The following FHIT variants were observed in gnomAD, a reference collection of about 807,000 sequenced individuals.
FHIT encodes the protein fragile histidine triad diadenosine triphosphatase, also known as bis(5'-adenosyl)-triphosphatase.
FHIT carries 19 observed loss-of-function variants against 17.9 expected under a neutral mutation model. The observed-to-expected ratio is 1.06, with a 90% CI of 0.74 to 1.56. The LOEUF (loss-of-function observed/expected upper bound fraction) is 1.56, where lower values mean the gene tolerates loss of function less well. FHIT is among the 40% of genes most tolerant of loss of function. The pLI is 0.00. For synonymous variants in FHIT, 81 were observed against 69.7 expected (o/e 1.16, Z -0.81); for missense variants, 248 against 189.2 (o/e 1.31, Z -1.82).
chr3:61,186,371 G>C (rs2038509327), intron 2 of FHIT, among the ~76,000 whole-genome samples: 1 of 152,210 alleles, frequency 6.6e-6, no homozygotes, highest in African/African-American at 2.4e-5. Context: ...TGGGCCACAG[G>C]TGACTCTGGC....
intron 5 of FHIT, among the ~76,000 whole-genome samples, chr3:60,514,717 T>G (rs2035084817): frequency 6.6e-6 from 1 of 152,134 alleles, no homozygotes; most frequent in African/African-American, 2.4e-5. Flanking sequence ...CTCCAGTGTT[T>G]ATCATAAGCC....
intron 5 of FHIT, among the ~76,000 whole-genome samples, chr3:60,300,516 T>C (rs1323687733): frequency 6.6e-6 from 1 of 152,110 alleles, no homozygotes; most frequent in Non-Finnish European, 1.5e-5. Context: ...TTTTGTTTTG[T>C]TTTGTTTTTT....
Position 61,036,901 on chromosome 3 carries a change from GT to G in FHIT, c.-111+5145del, listed in dbSNP as rs746649804. Among the ~76,000 whole-genome samples the G allele has an allele frequency of 4.8e-4, 34 of 70,290 alleles. 1 individual carries two copies. Among genetic ancestry groups the G allele is most frequent in the African/African-American group, 9.0e-4 (28 of 31,278 alleles). The allele number at this position is 70,290 out of a possible 152,430, so 46.1% of individuals were successfully genotyped here. A position where few individuals can be genotyped will look rare whatever the true frequency, so the allele number is the denominator to read the frequency against. On this transcript the variant is annotated intron_variant, in intron 3 of 9. Coordinates refer to ENST00000492590, the MANE Select transcript of FHIT (RefSeq NM_002012.4). ...TTCACCTCAAAGATCAGTCTGCTTT[GT>G]TTTTTTTTTTTGTTTGTTTGTTTTT...
rs547849680 is a variant in FHIT, at chr3:60,296,236, G to A, written c.103+240624C>T. On this transcript the variant is annotated intron_variant, in intron 5 of 9. Transcript: ENST00000492590. ...GAGGGGAAGGGGGGAAGGAGGAGGGGAAAGAAGAGGAGGAACAGGGAAGCA... is the reference window on the plus strand; with the variant it reads ...GAGGGGAAGGGGGGAAGGAGGAGGGAAAAGAAGAGGAGGAACAGGGAAGCA... Among the ~76,000 whole-genome samples the A allele has an allele frequency of 2.6e-5, 4 of 152,116 alleles. No individual in the cohort carries two copies. In the East Asian group the frequency reaches 5.8e-4, roughly 22 times the overall value.
At chr3:61,249,131 G>T (rs2040552875) in intron 1 of FHIT, among the ~76,000 whole-genome samples, 1 of 152,108 alleles carries the variant, frequency 6.6e-6, no homozygotes, top group African/African-American at 2.4e-5. Flanking sequence ...CAAATTAGAG[G>T]AGAAACCATT....
rs74949573 is a variant in FHIT at position 60,186,780 on chromosome 3, C to T, written c.104-172628G>A. On this transcript the variant is annotated intron_variant, in intron 5 of 9. Coordinates refer to ENST00000492590, the MANE Select transcript of FHIT (RefSeq NM_002012.4). ...TAAAAAGGATGGAAAGTGCCATGCC[C>T]GCAAACTTTGTAGATGGATGTTTTT... Among the ~76,000 whole-genome samples, 724 of 151,200 alleles carry T rather than the reference C, an allele frequency of 4.8e-3. 10 individuals are homozygous for T. The highest frequency in any genetic ancestry group is 0.016 in the African/African-American group (679 of 41,252).
At chr3:60,288,031 T>C (rs543070372) in intron 5 of FHIT, among the ~76,000 whole-genome samples, 3 of 152,278 alleles carry the variant, frequency 2.0e-5, no homozygotes, top group African/African-American at 7.2e-5. Flanking sequence ...TCAAGGTCTC[T>C]GGGAAACTGG....
At chr3:59,942,280 T>C (rs1706560653) in intron 7 of FHIT, among the ~76,000 whole-genome samples, 1 of 152,226 alleles carries the variant, frequency 6.6e-6, no homozygotes, top group Non-Finnish European at 1.5e-5. Flanking sequence ...TTGATGCTTA[T>C]GCAAAGATCA....
intron 3 of FHIT, among the ~76,000 whole-genome samples, chr3:61,024,574 C>G (rs554221159): frequency 8.6e-5 from 13 of 151,888 alleles, no homozygotes; most frequent in Admixed American, 8.5e-4. Context: ...TATGTATGAG[C>G]AAAGTACAGG....
rs543965713 is a variant in FHIT at position 60,353,608 on chromosome 3, T to C, written c.103+183252A>G. Among the ~76,000 whole-genome samples the C allele has an allele frequency of 3.3e-5, 5 of 152,252 alleles. No homozygotes were observed. In the South Asian group the frequency reaches 1.0e-3, roughly 32 times the overall value. ...TAGTAGCCTTAATCAAACAAAAAAG[T>C]GAGATTTTTTATTTTTTTAAACATC... On this transcript the variant is annotated intron_variant, in intron 5 of 9. Coordinates refer to ENST00000492590, the MANE Select transcript of FHIT (RefSeq NM_002012.4).
intron 5 of FHIT, among the ~76,000 whole-genome samples, chr3:60,431,124 T>C (rs118093216): frequency 0.011 from 1,606 of 151,494 alleles, 16 homozygotes; most frequent in East Asian, 0.037. Context: ...GACAGAAGAA[T>C]AGCTTGAACT....
At chr3:60,094,462 A>C (rs1278215761) in intron 5 of FHIT, among the ~76,000 whole-genome samples, 1 of 152,192 alleles carries the variant, frequency 6.6e-6, no homozygotes, top group Non-Finnish European at 1.5e-5. Flanking sequence ...CCACATAGGC[A>C]ATACATCTGA....
At chr3:59,841,901 A>T (rs185847750) in intron 8 of FHIT, among the ~76,000 whole-genome samples, 30 of 152,298 alleles carry the variant, frequency 2.0e-4, no homozygotes, top group Admixed American at 7.8e-4. Context: ...TTGTGGTAGA[A>T]TACACATAAT....
chr3:60,303,103 A>C (rs951290130), intron 5 of FHIT, among the ~76,000 whole-genome samples: 1 of 152,184 alleles, frequency 6.6e-6, no homozygotes, highest in Admixed American at 6.5e-5. Flanking sequence ...CGAGACTGAC[A>C]ACTGCCAAAC....
intron 4 of FHIT, among the ~76,000 whole-genome samples, chr3:60,774,953 C>A (rs1700171271): frequency 6.6e-6 from 1 of 152,064 alleles, no homozygotes; most frequent in African/African-American, 2.4e-5. Context: ...TCGAGTTGAC[C>A]ACAGGTAACT....
chr3:60,705,350 G>C (rs1363925146), intron 4 of FHIT, among the ~76,000 whole-genome samples: 1 of 152,144 alleles, frequency 6.6e-6, no homozygotes, highest in African/African-American at 2.4e-5. Flanking sequence ...AGGGAAATAA[G>C]AACCTTCACC....
At chr3:60,862,750 G>A (rs1480563886) in intron 3 of FHIT, among the ~76,000 whole-genome samples, 1 of 151,780 alleles carries the variant, frequency 6.6e-6, no homozygotes, top group Non-Finnish European at 1.5e-5. Flanking sequence ...TACTTGGGAG[G>A]CTAAGGCAGC....
chr3:60,732,520 C>T (rs2042050450), intron 4 of FHIT: 1 of 662,190 alleles, frequency 1.5e-6, no homozygotes, highest in East Asian at 3.4e-5. Context: ...TTCCAGCGCT[C>T]AGAGCACGAA....
At chr3:59,849,569 C>T (rs1701853696) in intron 8 of FHIT, among the ~76,000 whole-genome samples, 1 of 152,132 alleles carries the variant, frequency 6.6e-6, no homozygotes, top group Non-Finnish European at 1.5e-5. Flanking sequence ...CAAATATAAA[C>T]AGACACAGAT....
Sources: gnomAD v4.1 joint callset for allele counts (sites outside exome capture counted in the v4.1 genomes callset) on GRCh38, gnomAD v4.1.1 for gene constraint, MANE v1.5 for transcripts, NCBI Gene and HGNC (gene_info 2026-07-23, HGNC 2026-07-21) for gene names.